Variants in MFF observed in about 807,000 individuals in gnomAD.
MFF encodes the protein chromosome 2 open reading frame 33.
MFF carries 12 observed loss-of-function variants against 36.9 expected under a neutral mutation model. The observed-to-expected ratio is 0.33, with a 90% CI of 0.21 to 0.53. The LOEUF (loss-of-function observed/expected upper bound fraction) is 0.53. Ranked by LOEUF, MFF falls within the 20% of genes least tolerant of loss-of-function variation. The pLI, the probability that MFF is intolerant of heterozygous loss-of-function variation, is 0.95. For missense variants in MFF, 348 were observed against 366.6 expected, an observed-to-expected ratio of 0.95 and a Z score of 0.42; for synonymous variants, 99 against 126.2, an observed-to-expected ratio of 0.78 and a Z score of 1.44.
chr2:227,348,046 T>G (rs558092460), intron 6 of MFF, among the ~76,000 whole-genome samples: 1 of 152,338 alleles, frequency 6.6e-6, no homozygotes, highest in Admixed American at 6.5e-5. Context: ...TACTACATAA[T>G]GTTTTAAAGG....
intron 6 of MFF, among the ~76,000 whole-genome samples, chr2:227,349,424 G>A (rs962667812): frequency 5.3e-5 from 8 of 151,808 alleles, no homozygotes; most frequent in African/African-American, 1.9e-4. Flanking sequence ...GTGATGAATT[G>A]ATAACTCTAA....
At chr2:227,330,526 T>C in intron 2 of MFF, 100 bp from the exon 3 acceptor site, 1 of 735,964 alleles carries the variant, frequency 1.4e-6, no homozygotes, top group Admixed American at 3.1e-5. Context: ...ATGAGAAGTT[T>C]CCTTTCGCTC....
At chr2:227,326,969 T>C (rs1018918824) in intron 1 of MFF, among the ~76,000 whole-genome samples, 1 of 152,214 alleles carries the variant, frequency 6.6e-6, no homozygotes, top group Non-Finnish European at 1.5e-5. Flanking sequence ...TGGTACACTT[T>C]CCGCTAGTGG....
At position 227,330,400 on chromosome 2, in the gene MFF, C is replaced by T. The variant is rs1017513676; in HGVS notation, c.-40-226C>T. The stretch of plus-strand genomic sequence containing the variant: ...ATTCTATAATAATTTAAAAAATTTG[C>T]TCCTAAGCAATATCCTCAAGGTACA... On this transcript the variant is annotated intron_variant, in intron 2 of 8. Transcript: ENST00000304593. 10 of 500,574 alleles carry T rather than the reference C, an allele frequency of 2.0e-5. No individual in the cohort carries two copies. In the South Asian group the frequency reaches 2.0e-4, roughly 10 times the overall value. 31.0% of individuals were successfully genotyped at this position (500,574 alleles called of 1,614,324 possible).
chr2:227,340,146 A>G, intron 4 of MFF, 146 bp from the exon 5 acceptor site: 2 of 586,228 alleles, frequency 3.4e-6, no homozygotes, highest in East Asian at 2.8e-5. Flanking sequence ...TCAGTAATAC[A>G]CTGCCTGGCA....
intron 6 of MFF, 149 bp from the exon 7 acceptor site, chr2:227,352,365 T>C: frequency 3.4e-6 from 2 of 590,148 alleles, no homozygotes; most frequent in Middle Eastern, 2.8e-4. Context: ...AGACAAGGAT[T>C]TTTTAAAGTA....
chr2:227,338,380 A>G (rs199911654), intron 4 of MFF, among the ~76,000 whole-genome samples: 10,248 of 151,330 alleles, frequency 0.068, 954 homozygotes, highest in African/African-American at 0.2. Context: ...AAAAAAAAAA[A>G]AAAGAAAAGA....
chr2:227,352,283 T>G, intron 6 of MFF: 1 of 440,672 alleles, frequency 2.3e-6, no homozygotes, highest in Non-Finnish European at 4.0e-6. Flanking sequence ...GTCGTGTAAA[T>G]ATAGATTCCC....
Position 227,347,245 on chromosome 2 carries a change from C to G in MFF, c.460C>G (p.Gln154Glu). 1.2e-6 allele frequency: 2 copies of G among 1,613,700 alleles called. No individual in the cohort carries two copies. The highest frequency in any genetic ancestry group is 1.7e-6 in the Non-Finnish European group (2 of 1,179,696). ...AAACAGTGTGACACCATCGCCACAACAGGCTCGGGTCTGTCCTCCCCATAT... is the reference window on the plus strand; with the variant it reads ...AAACAGTGTGACACCATCGCCACAAGAGGCTCGGGTCTGTCCTCCCCATAT... The part of the protein sequence containing the change: ...NDSLVTPSPQ[Q>E]ARVCPPHMLP... The change falls in exon 6 of 9, where the codon CAG becomes GAG. Residue 154 changes from glutamine to glutamate, a missense_variant. Gln to Glu is a conservative substitution (Grantham distance 29). Transcript: ENST00000304593.
chr2:227,329,078 G>A (rs915216551), intron 2 of MFF: 1 of 152,288 alleles, frequency 6.6e-6, no homozygotes, highest in African/African-American at 2.4e-5. Flanking sequence ...AACTTTTTAT[G>A]TCTTTAATTT....
rs1439107350 is a variant in MFF at position 227,357,374 on chromosome 2, G to C, written c.*257G>C. The C allele has an allele frequency of 6.6e-6, 2 of 302,346 alleles. No individual in the cohort carries two copies. Among genetic ancestry groups the C allele is most frequent in the Non-Finnish European group, 1.2e-5 (2 of 164,724 alleles). The allele number at this position is 302,346 out of a possible 1,614,324, so 18.7% of individuals were successfully genotyped here. ...CTCCCTTTGCATGTTTTGTAAATAG[G>C]CTCCAGTTTTGTTTTTTAAAAGGAA... On this transcript the variant is annotated 3_prime_UTR_variant, in exon 9 of 9. Transcript: ENST00000304593.
At chr2:227,356,118 C>A (rs1299366127) in intron 8 of MFF, among the ~76,000 whole-genome samples, 1 of 152,194 alleles carries the variant, frequency 6.6e-6, no homozygotes, top group Non-Finnish European at 1.5e-5. Flanking sequence ...GCAGCTTGCA[C>A]AGCATCCCTG....
chr2:227,347,850 G>T lies in MFF; in HGVS notation c.599+466G>T, dbSNP rs535511202. ...CTTTTTTCCTTTCCTCTCAGCTACG[G>T]ATTTCTAGGCTTGTTTTGAAAATTC... is the stretch of plus-strand genomic sequence containing the variant. On this transcript the variant is annotated intron_variant, in intron 6 of 8. Coordinates refer to ENST00000304593, the MANE Select transcript of MFF (RefSeq NM_001277062.2). 2.5e-4 allele frequency among the ~76,000 whole-genome samples: 38 copies of T among 152,290 alleles called. No individual in the cohort carries two copies. The East Asian group carries it at 6.9e-3, about 28-fold the overall frequency.
At chr2:227,327,188 C>A (rs551895186) in intron 1 of MFF, among the ~76,000 whole-genome samples, 2 of 150,826 alleles carry the variant, frequency 1.3e-5, no homozygotes, top group African/African-American at 2.4e-5. Context: ...AAAAAAAAAA[C>A]CCATGAAGTT....
At chr2:227,339,058 C>T (rs1346545517) in intron 4 of MFF, among the ~76,000 whole-genome samples, 1 of 151,682 alleles carries the variant, frequency 6.6e-6, no homozygotes, top group Non-Finnish European at 1.5e-5. Context: ...AAAAATTAGC[C>T]AGGTGCGGTG....
chr2:227,352,287 G>A, intron 6 of MFF: 1 of 443,420 alleles, frequency 2.3e-6, no homozygotes. Context: ...TGTAAATATA[G>A]ATTCCCTTTG....
At position 227,332,121 on chromosome 2, in the gene MFF, G is replaced by A. The variant is rs370028292; in HGVS notation, c.182-298G>A. Among the ~76,000 whole-genome samples the A allele has an allele frequency of 6.6e-3, 979 of 147,660 alleles. 8 individuals carry two copies. Among genetic ancestry groups the A allele is most frequent in the South Asian group, 0.037 (172 of 4,598 alleles). ...CAAGTAGCTGGGACTACAGGCGCCC[G>A]CCACTACGCCCGGCTAATTTTTTTG... On this transcript the variant is annotated intron_variant, in intron 3 of 8. Transcript: ENST00000304593.
At chr2:227,340,203 A>G (rs2075311360) in intron 4 of MFF, 89 bp from the exon 5 acceptor site, 3 of 1,031,514 alleles carry the variant, frequency 2.9e-6, no homozygotes, top group Non-Finnish European at 4.3e-6. Context: ...TTTTTTGAGT[A>G]GCCTTGTATC....
intron 4 of MFF, among the ~76,000 whole-genome samples, chr2:227,335,896 G>A (rs539547862): frequency 6.6e-6 from 1 of 152,306 alleles, no homozygotes; most frequent in Non-Finnish European, 1.5e-5. Flanking sequence ...ACCATTGCTT[G>A]GTGATTCTGT....
Sources: allele counts gnomAD v4.1 joint callset (sites outside exome capture counted in the v4.1 genomes callset), GRCh38; gene constraint gnomAD v4.1.1; transcripts MANE v1.5; gene names NCBI Gene and HGNC (gene_info 2026-07-23, HGNC 2026-07-21).